Variants in NEK10 observed in about 807,000 individuals in gnomAD.
NEK10 encodes the protein serine/threonine-protein kinase Nek10.
In NEK10, 122 loss-of-function variants were observed where a neutral mutation model predicts 159.8. That is an observed-to-expected ratio of 0.76 (90% CI 0.66 to 0.89). The LOEUF (loss-of-function observed/expected upper bound fraction) is 0.89, where lower values mean the gene tolerates loss of function less well. NEK10 is among the 40% of genes least tolerant of loss of function. The pLI is 0.00. For missense variants in NEK10, 1,342 were observed against 1,323.1 expected (o/e 1.01, Z -0.22); for synonymous variants, 466 against 457.1 (o/e 1.02, Z -0.25).
intron 20 of NEK10, among the ~76,000 whole-genome samples, chr3:27,287,154 AAG>A (rs1553618476): frequency 1.3e-5 from 2 of 151,486 alleles, no homozygotes; most frequent in Non-Finnish European, 2.9e-5. Flanking sequence ...AAAAAAAAAA[AAG>A]AGTGGCTGAG....
intron 35 of NEK10, among the ~76,000 whole-genome samples, chr3:27,113,472 G>GAAT (rs1553632666): frequency 1.4e-5 from 2 of 146,322 alleles, no homozygotes; most frequent in African/African-American, 5.0e-5. Context: ...GCCAAAAAGG[G>GAAT]AATACCATGG....
At chr3:27,348,448 C>T (rs138019270) in intron 3 of NEK10, among the ~76,000 whole-genome samples, 39 of 152,284 alleles carry the variant, frequency 2.6e-4, no homozygotes, top group African/African-American at 8.2e-4. Flanking sequence ...GACCAGGAAC[C>T]TAATAGTAGG....
chr3:27,301,546 C>A (rs1575650758), intron 13 of NEK10, 150 bp downstream of exon 13: 5 of 620,418 alleles, frequency 8.1e-6, no homozygotes, highest in East Asian at 5.6e-5. Context: ...ACACTGGGAC[C>A]AAGAAGTTTC....
chr3:27,148,372 A>G (rs893439709), intron 30 of NEK10, among the ~76,000 whole-genome samples: 3 of 152,168 alleles, frequency 2.0e-5, no homozygotes, highest in Admixed American at 6.5e-5. Flanking sequence ...AGGAGCCAAC[A>G]CATGGATAGA....
chr3:27,162,822 C>A, intron 29 of NEK10, 84 bp from the exon 30 acceptor site: 1 of 1,571,734 alleles, frequency 6.4e-7, no homozygotes, highest in East Asian at 2.3e-5. Context: ...CTATGGTCTA[C>A]ATTATAAAGA....
intron 35 of NEK10, among the ~76,000 whole-genome samples, chr3:27,114,526 A>G (rs1427439824): frequency 6.6e-6 from 1 of 152,188 alleles, no homozygotes; most frequent in Non-Finnish European, 1.5e-5. Context: ...GACTCATAAG[A>G]AAAACTCCTT....
At chr3:27,191,986 C>G (rs1205861258) in intron 26 of NEK10, 43 bp downstream of exon 26, 1 of 1,545,592 alleles carries the variant, frequency 6.5e-7, no homozygotes, top group Non-Finnish European at 8.9e-7. Flanking sequence ...TTCAGACAGC[C>G]CATTAGAGTG....
In NEK10 at chr3:27,301,883, C is replaced by A. The variant is rs1361197095; in HGVS notation, c.1029-48G>T. The A allele has an allele frequency of 6.9e-6, 10 of 1,440,312 alleles. No homozygotes were observed. In the East Asian group the frequency reaches 2.2e-4, roughly 32 times the overall value. The allele number at this position is 1,440,312 out of a possible 1,614,324, so 89.2% of individuals were successfully genotyped here. A position where few individuals can be genotyped will look rare whatever the true frequency, so the allele number is the denominator to read the frequency against. The stretch of plus-strand genomic sequence containing the variant: ...TAGACCATTTATCAATTTCCCTTCA[C>A]CGTCAGTCCTTTCTGTGTCACATTT... On this transcript the variant is annotated intron_variant, in intron 12 of 35. Coordinates refer to ENST00000691995, the MANE Select transcript of NEK10 (RefSeq NM_001394966.1).
At chr3:27,323,342 A>C (rs1256466704) in intron 5 of NEK10, among the ~76,000 whole-genome samples, 1 of 152,184 alleles carries the variant, frequency 6.6e-6, no homozygotes, top group Non-Finnish European at 1.5e-5. Flanking sequence ...GAGCATTCCC[A>C]GACACTCCCA....
At chr3:27,266,288 T>G (rs2040887025) in intron 22 of NEK10, among the ~76,000 whole-genome samples, 1 of 152,220 alleles carries the variant, frequency 6.6e-6, no homozygotes, top group Non-Finnish European at 1.5e-5. Flanking sequence ...ATATCCATTT[T>G]TTTCTTCCAG....
rs571698514 is a variant in NEK10, at chr3:27,172,328, C to T, written c.2777-455G>A. Among the ~76,000 whole-genome samples, 124 of 102,836 alleles carry T rather than the reference C, an allele frequency of 1.2e-3. 1 individual carries two copies. The highest frequency in any genetic ancestry group is 5.0e-3 in the African/African-American group (113 of 22,776). 67.5% of individuals were successfully genotyped at this position (102,836 alleles called of 152,430 possible). A position where few individuals can be genotyped will look rare whatever the true frequency, so the allele number is the denominator to read the frequency against. On this transcript the variant is annotated intron_variant, in intron 28 of 35. Coordinates refer to ENST00000691995, the MANE Select transcript of NEK10 (RefSeq NM_001394966.1). ...CCAGCCTGGTGACAGAGCGAGACCCCGTCTCAAAAAAAAAAAAAAAAAAAA... is the reference window on the plus strand; with the variant it reads ...CCAGCCTGGTGACAGAGCGAGACCCTGTCTCAAAAAAAAAAAAAAAAAAAA...
chr3:27,339,972 C>T (rs530473016), intron 5 of NEK10, among the ~76,000 whole-genome samples: 2 of 152,076 alleles, frequency 1.3e-5, no homozygotes, highest in South Asian at 4.1e-4. Context: ...GATCTAGAAC[C>T]AGATATAACA....
chr3:27,359,029 C>T (rs531927219), intron 1 of NEK10, among the ~76,000 whole-genome samples: 2 of 152,034 alleles, frequency 1.3e-5, no homozygotes, highest in South Asian at 2.1e-4. Flanking sequence ...TGGTGAAACA[C>T]CGTCTCTACT....
At chr3:27,282,571 T>TA (rs1553616075) in intron 22 of NEK10, among the ~76,000 whole-genome samples, 45 of 43,074 alleles carry the variant, frequency 1.0e-3, no homozygotes, top group African/African-American at 6.9e-3. Context: ...CATAACTGTG[T>TA]TATATATATA....
At chr3:27,310,827 G>T in intron 9 of NEK10, 122 bp downstream of exon 9, 1 of 578,464 alleles carries the variant, frequency 1.7e-6, no homozygotes. Context: ...ACAATCTCAG[G>T]CCAGGCTGGT....
At chr3:27,171,440 A>G (rs79278990) in intron 29 of NEK10, among the ~76,000 whole-genome samples, 6,432 of 152,104 alleles carry the variant, frequency 0.042, 232 homozygotes, top group African/African-American at 0.097. Context: ...ATGCGGTCTC[A>G]TAAGTCATAT....
At chr3:27,220,979 T>C (rs1312461215) in intron 23 of NEK10, among the ~76,000 whole-genome samples, 1 of 152,166 alleles carries the variant, frequency 6.6e-6, no homozygotes, top group Non-Finnish European at 1.5e-5. Flanking sequence ...TGCAAAAGGA[T>C]GAAGTTGGAA....
chr3:27,202,831 A>T (rs1197243112), intron 23 of NEK10, among the ~76,000 whole-genome samples: 1 of 152,190 alleles, frequency 6.6e-6, no homozygotes, highest in Non-Finnish European at 1.5e-5. Context: ...AGAAAGAGCA[A>T]GCCCACTGTG....
intron 1 of NEK10, among the ~76,000 whole-genome samples, chr3:27,360,743 G>C (rs938812916): frequency 7.2e-5 from 11 of 152,138 alleles, no homozygotes; most frequent in Non-Finnish European, 1.3e-4. Flanking sequence ...GAAATATGTA[G>C]GTGGTGTGTT....
Sources: allele counts gnomAD v4.1 joint callset (sites outside exome capture counted in the v4.1 genomes callset), GRCh38; gene constraint gnomAD v4.1.1; transcripts MANE v1.5; gene names NCBI Gene and HGNC (gene_info 2026-07-23, HGNC 2026-07-21).